The following CREB5 variants were observed in gnomAD, a reference collection of about 807,000 sequenced individuals.
The protein encoded by CREB5 is cAMP responsive element binding protein 5.
A neutral mutation model predicts 57.1 loss-of-function variants in CREB5; 19 were observed. The ratio of observed to expected loss-of-function variants is 0.33; its 90% confidence interval spans 0.23 to 0.49. The LOEUF (loss-of-function observed/expected upper bound fraction) is 0.49, where lower values mean the gene tolerates loss of function less well. Ranked by LOEUF, CREB5 falls within the 20% of genes least tolerant of loss-of-function variation. CREB5 has a pLI of 0.99. For synonymous variants in CREB5, 238 were observed against 238.3 expected (o/e 1.00, Z 0.01); for missense variants, 579 against 671.6 (o/e 0.86, Z 1.52).
intron 7 of CREB5, among the ~76,000 whole-genome samples, chr7:28,761,505 C>A (rs1805650072): frequency 2.0e-5 from 3 of 152,272 alleles, no homozygotes; most frequent in South Asian, 4.1e-4. Context: ...AGCTACAGAG[C>A]AGGAACATGG....
At chr7:28,555,875 G>C (rs562387972) in intron 4 of CREB5, among the ~76,000 whole-genome samples, 160 of 152,264 alleles carry the variant, frequency 1.1e-3, no homozygotes, top group Non-Finnish European at 1.9e-3. Context: ...GTCTATCAAA[G>C]AATCAGTAAA....
intron 7 of CREB5, among the ~76,000 whole-genome samples, chr7:28,793,502 G>T (rs761356793): frequency 1.3e-5 from 2 of 152,220 alleles, no homozygotes; most frequent in African/African-American, 2.4e-5. Context: ...CTGTCTCGAG[G>T]GGTAGACATG....
intron 5 of CREB5, among the ~76,000 whole-genome samples, chr7:28,644,088 A>G (rs1798796035): frequency 6.6e-6 from 1 of 151,894 alleles, no homozygotes; most frequent in African/African-American, 2.4e-5. Flanking sequence ...AAAGAAAGAA[A>G]AGGAAGGAAG....
chr7:28,435,857 GAA>G (rs1448356290), intron 1 of CREB5, among the ~76,000 whole-genome samples: 1 of 151,948 alleles, frequency 6.6e-6, no homozygotes, highest in Admixed American at 6.6e-5. Context: ...GATTTACCTA[GAA>G]AATGAAAAAA....
intron 4 of CREB5, among the ~76,000 whole-genome samples, chr7:28,566,350 T>A (rs1487967135): frequency 6.6e-6 from 1 of 152,232 alleles, no homozygotes; most frequent in East Asian, 1.9e-4. Context: ...TCATCCAAAC[T>A]GTTGATAAAA....
chr7:28,367,552 G>A (rs1456552728), intron 1 of CREB5, among the ~76,000 whole-genome samples: 1 of 152,182 alleles, frequency 6.6e-6, no homozygotes, highest in African/African-American at 2.4e-5. Context: ...GCTCATACCT[G>A]TAATCCCAGC....
intron 5 of CREB5, among the ~76,000 whole-genome samples, chr7:28,633,682 A>C (rs1247664323): frequency 1.3e-5 from 2 of 152,174 alleles, no homozygotes; most frequent in African/African-American, 4.8e-5. Context: ...TGAAGCTACC[A>C]GCCATGACAG....
In CREB5 at chr7:28,593,701, G is replaced by C. The variant is rs1378559777; in HGVS notation, c.464+23164G>C. 2.0e-5 allele frequency among the ~76,000 whole-genome samples: 3 copies of C among 152,316 alleles called. No homozygotes were observed. In the East Asian group the frequency reaches 5.8e-4, roughly 29 times the overall value. On this transcript the variant is annotated intron_variant, in intron 5 of 10. Transcript: ENST00000357727. ...ACATGATCCTAGTCACTGGATGGGA[G>C]AGCAGTAGGTGTGATGAGAATACCT...
chr7:28,559,414 A>G (rs1290812403), intron 4 of CREB5, among the ~76,000 whole-genome samples: 2 of 152,158 alleles, frequency 1.3e-5, no homozygotes, highest in African/African-American at 4.8e-5. Context: ...TCCCAGGTTT[A>G]AGCGATTCTC....
chr7:28,677,036 G>A (rs944515814), intron 5 of CREB5, among the ~76,000 whole-genome samples: 3 of 152,098 alleles, frequency 2.0e-5, no homozygotes, highest in East Asian at 3.9e-4. Flanking sequence ...TTTTGGAAAA[G>A]TCACTATAGC....
At chr7:28,791,791 A>C (rs763578740) in intron 7 of CREB5, among the ~76,000 whole-genome samples, 1 of 152,228 alleles carries the variant, frequency 6.6e-6, no homozygotes, top group Non-Finnish European at 1.5e-5. Context: ...AATCAACCAG[A>C]AAGCTTTCTA....
At chr7:28,399,456 C>G (rs1787406247) in intron 1 of CREB5, among the ~76,000 whole-genome samples, 1 of 146,336 alleles carries the variant, frequency 6.8e-6, no homozygotes, top group South Asian at 2.1e-4. Flanking sequence ...AGCAATGGAG[C>G]AGAATAGAGA....
chr7:28,523,233 T>C (rs1333268537), intron 4 of CREB5, among the ~76,000 whole-genome samples: 1 of 152,190 alleles, frequency 6.6e-6, no homozygotes. Flanking sequence ...GGGATAAAGA[T>C]TAATTACTGG....
intron 4 of CREB5, among the ~76,000 whole-genome samples, chr7:28,521,758 A>T (rs1051409640): frequency 6.6e-6 from 1 of 152,150 alleles, no homozygotes; most frequent in Non-Finnish European, 1.5e-5. Context: ...CTGACCAGAT[A>T]CAGAAGGGCT....
chr7:28,659,318 A>G (rs73081892), intron 5 of CREB5, among the ~76,000 whole-genome samples: 3,633 of 152,226 alleles, frequency 0.024, 68 homozygotes, highest in Non-Finnish European at 0.033. Flanking sequence ...GATGTTGGAT[A>G]TTTTATGCAA....
At chr7:28,371,189 G>T (rs1786697928) in intron 1 of CREB5, among the ~76,000 whole-genome samples, 1 of 152,172 alleles carries the variant, frequency 6.6e-6, no homozygotes, top group South Asian at 2.1e-4. Context: ...GATTCAGGGA[G>T]GATGGGCATG....
chr7:28,512,499 A>C (rs2128609771), intron 4 of CREB5, among the ~76,000 whole-genome samples: 1 of 152,344 alleles, frequency 6.6e-6, no homozygotes, highest in Admixed American at 6.5e-5. Context: ...TTTGTGTTCC[A>C]TGTTAGAGGA....
chr7:28,768,775 T>C (rs1806147219), intron 7 of CREB5, among the ~76,000 whole-genome samples: 1 of 152,218 alleles, frequency 6.6e-6, no homozygotes, highest in Non-Finnish European at 1.5e-5. Context: ...CCACCATTGA[T>C]GATGCCACTT....
intron 7 of CREB5, among the ~76,000 whole-genome samples, chr7:28,733,023 G>A (rs1482699647): frequency 6.6e-6 from 1 of 152,090 alleles, no homozygotes; most frequent in Non-Finnish European, 1.5e-5. Flanking sequence ...AGCTTCACAG[G>A]ATACTTAGGT....
Sources: allele counts gnomAD v4.1 joint callset (sites outside exome capture counted in the v4.1 genomes callset), GRCh38; gene constraint gnomAD v4.1.1; transcripts MANE v1.5; gene names NCBI Gene and HGNC (gene_info 2026-07-23, HGNC 2026-07-21).